Variants in CD96 observed in about 807,000 individuals in gnomAD.
CD96 encodes the protein CD96 molecule.
In CD96, 70 loss-of-function variants were observed where a neutral mutation model predicts 71.3. The observed-to-expected ratio is 0.98, with a 90% confidence interval of 0.81 to 1.20. The LOEUF is 1.20. Ranked by LOEUF, CD96 falls within the 50% of genes most tolerant of loss-of-function variation. The pLI is 0.00. For missense variants in CD96, 742 were observed against 677.5 expected (o/e 1.10, Z -1.06); for synonymous variants, 248 against 233.0 (o/e 1.06, Z -0.59).
intron 7 of CD96, among the ~76,000 whole-genome samples, chr3:111,601,349 T>C (rs1937489179): frequency 6.6e-6 from 1 of 152,158 alleles, no homozygotes. Flanking sequence ...ATGGATAAAA[T>C]GTGTACAATA....
chr3:111,550,774 T>G (rs1012557108), intron 2 of CD96, among the ~76,000 whole-genome samples: 6 of 152,188 alleles, frequency 3.9e-5, no homozygotes, highest in African/African-American at 1.4e-4. Context: ...CTGCTATGGA[T>G]AGAAGGGAAA....
chr3:111,599,721 CAA>C (rs550369054), intron 6 of CD96, among the ~76,000 whole-genome samples: 3 of 141,272 alleles, frequency 2.1e-5, no homozygotes, highest in African/African-American at 2.6e-5. Context: ...AACCCTATCT[CAA>C]AAAAAAAAAA....
At chr3:111,576,933 A>T (rs946322270) in intron 3 of CD96, among the ~76,000 whole-genome samples, 2 of 152,128 alleles carry the variant, frequency 1.3e-5, no homozygotes, top group Non-Finnish European at 2.9e-5. Flanking sequence ...TTATAACTGA[A>T]GACTCTAGAA....
In CD96 at chr3:111,598,207, G is replaced by A. The variant is rs1937344919; in HGVS notation, c.895G>A (p.Glu299Lys). Residue 299 changes from glutamate to lysine, a missense_variant, in exon 6 of 14, where the codon GAA becomes AAA. Coordinates refer to ENST00000352690, the MANE Select transcript of CD96 (RefSeq NM_005816.5). ...IDGSFLHDEK[E>K]GIYITNEERK... ...TGGAAGTTTTCTTCATGATGAAAAA[G>A]AAGGTAAGGAAACTAATCAATGGAA... is the stretch of plus-strand genomic sequence containing the variant. 1 of 1,274,772 alleles carries A rather than the reference G, an allele frequency of 7.8e-7. No individual in the cohort carries two copies. Among genetic ancestry groups the A allele is most frequent in the East Asian group, 2.3e-5 (1 of 43,142 alleles). The allele number at this position is 1,274,772 out of a possible 1,614,324, so 79.0% of individuals were successfully genotyped here. A position where few individuals can be genotyped will look rare whatever the true frequency, so the allele number is the denominator to read the frequency against.
At chr3:111,632,919 T>A (rs1234861340) in intron 10 of CD96, among the ~76,000 whole-genome samples, 1 of 152,168 alleles carries the variant, frequency 6.6e-6, no homozygotes. Context: ...GTCAGCAGTG[T>A]TATCATTTAT....
At chr3:111,660,607 A>G (rs1940331871) in intron 14 of CD96, among the ~76,000 whole-genome samples, 1 of 152,230 alleles carries the variant, frequency 6.6e-6, no homozygotes, top group African/African-American at 2.4e-5. Flanking sequence ...CACACTACCC[A>G]ACTTCAAATT....
At chr3:111,572,561 A>T (rs1157072098) in intron 3 of CD96, among the ~76,000 whole-genome samples, 1 of 152,320 alleles carries the variant, frequency 6.6e-6, no homozygotes, top group East Asian at 1.9e-4. Flanking sequence ...GTTCTTACAA[A>T]CATATATAAT....
At chr3:111,566,815 T>C (rs1935734616) in intron 2 of CD96, among the ~76,000 whole-genome samples, 1 of 152,174 alleles carries the variant, frequency 6.6e-6, no homozygotes, top group African/African-American at 2.4e-5. Context: ...GTTTATAAAC[T>C]CTGGGAAGAC....
chr3:111,590,529 A>G (rs1448755071), intron 5 of CD96, among the ~76,000 whole-genome samples: 1 of 152,258 alleles, frequency 6.6e-6, no homozygotes, highest in Non-Finnish European at 1.5e-5. Flanking sequence ...TCTGTAAAAT[A>G]CAAGACCCAA....
At chr3:111,629,728 C>A (rs930971393) in intron 10 of CD96, among the ~76,000 whole-genome samples, 1 of 152,164 alleles carries the variant, frequency 6.6e-6, no homozygotes, top group African/African-American at 2.4e-5. Flanking sequence ...TTCTCATCAC[C>A]TCATGGCACT....
chr3:111,550,930 A>G (rs1464956672), intron 2 of CD96, among the ~76,000 whole-genome samples: 1 of 152,210 alleles, frequency 6.6e-6, no homozygotes, highest in Non-Finnish European at 1.5e-5. Flanking sequence ...AAAAGTACAT[A>G]GTGCCACATT....
intron 5 of CD96, chr3:111,593,775 G>C (rs770053365): frequency 3.7e-6 from 6 of 1,614,188 alleles, no homozygotes; most frequent in Non-Finnish European, 5.1e-6. Context: ...ACCTGCTCCA[G>C]GAGCCTACCC....
chr3:111,547,123 C>A (rs1477063655), intron 2 of CD96, among the ~76,000 whole-genome samples: 4 of 152,108 alleles, frequency 2.6e-5, no homozygotes, highest in Non-Finnish European at 5.9e-5. Context: ...TCTTACATAA[C>A]AAATATGGAT....
chr3:111,582,354 G>A (rs535190454), intron 4 of CD96, among the ~76,000 whole-genome samples: 21 of 152,286 alleles, frequency 1.4e-4, no homozygotes, highest in Non-Finnish European at 2.2e-4. Context: ...TGTTCAACAC[G>A]ATGTACTTAA....
At chr3:111,612,235 A>T (rs1937984153) in intron 8 of CD96, among the ~76,000 whole-genome samples, 1 of 152,234 alleles carries the variant, frequency 6.6e-6, no homozygotes, top group Non-Finnish European at 1.5e-5. Context: ...TTTGTTTTCC[A>T]TGATCACGAA....
In CD96 at chr3:111,650,471, G is replaced by T; in HGVS notation, c.*665G>T. The stretch of plus-strand genomic sequence containing the variant: ...AAAGAGATAATTAGCCAAAAACCCA[G>T]TAGCCTAGAAGATACAAAACTCCAC... On this transcript the variant is annotated 3_prime_UTR_variant, in exon 14 of 14. Transcript: ENST00000352690. 6.5e-6 allele frequency: 1 copy of T among 154,164 alleles called. No homozygotes were observed. Among genetic ancestry groups the T allele is most frequent in the Admixed American group, 6.4e-5 (1 of 15,720 alleles). The allele number at this position is 154,164 out of a possible 1,614,324, so 9.5% of individuals were successfully genotyped here.
At chr3:111,628,448 T>C (rs1029333066) in intron 10 of CD96, among the ~76,000 whole-genome samples, 2 of 152,150 alleles carry the variant, frequency 1.3e-5, no homozygotes, top group African/African-American at 4.8e-5. Context: ...AGATTGTCTT[T>C]CTGAAATAAG....
intron 3 of CD96, among the ~76,000 whole-genome samples, chr3:111,576,078 G>A (rs1936208338): frequency 6.6e-6 from 1 of 152,164 alleles, no homozygotes. Flanking sequence ...CATCTATTAA[G>A]TGTCAGGACT....
chr3:111,616,428 G>C (rs1039277342), intron 8 of CD96, among the ~76,000 whole-genome samples: 1 of 151,992 alleles, frequency 6.6e-6, no homozygotes, highest in Admixed American at 6.6e-5. Context: ...CTGAAAGGTG[G>C]TGGTGGGACA....
Sources: allele counts gnomAD v4.1 joint callset (sites outside exome capture counted in the v4.1 genomes callset), GRCh38; gene constraint gnomAD v4.1.1; transcripts MANE v1.5; gene names NCBI Gene and HGNC (gene_info 2026-07-23, HGNC 2026-07-21).